Variants in GNAO1 observed in about 807,000 individuals in gnomAD.
The protein encoded by GNAO1 is guanine nucleotide-binding protein G(o) subunit alpha.
For synonymous variants in GNAO1, 164 were observed against 180.7 expected (o/e 0.91, Z 0.74); for missense variants, 166 against 478.7 (o/e 0.35, Z 6.10).
At chr16:56,277,115 TG>T (rs1351233125) in intron 3 of GNAO1, 2 of 152,206 alleles carry the variant, frequency 1.3e-5, no homozygotes, top group African/African-American at 4.8e-5. Context: ...CCTAATTCCA[TG>T]GGGCAGAGTC....
At chr16:56,226,188 T>C (rs1386630870) in intron 2 of GNAO1, among the ~76,000 whole-genome samples, 1 of 151,784 alleles carries the variant, frequency 6.6e-6, no homozygotes, top group East Asian at 1.9e-4. Context: ...AGCCTTTCAG[T>C]TGGGTGAAAG....
chr16:56,340,554 C>T, intron 6 of GNAO1: 1 of 325,656 alleles, frequency 3.1e-6, no homozygotes, highest in Non-Finnish European at 6.0e-6. Flanking sequence ...AGTGACCTCA[C>T]TGCCCCCACC....
intron 7 of GNAO1, chr16:56,352,017 C>T (rs551159750): frequency 3.7e-4 from 58 of 157,802 alleles, no homozygotes; most frequent in South Asian, 2.1e-3. Flanking sequence ...CTTTGGTGCC[C>T]GGAACATGCT....
At chr16:56,199,640 A>G (rs1197554032) in intron 2 of GNAO1, among the ~76,000 whole-genome samples, 1 of 152,164 alleles carries the variant, frequency 6.6e-6, no homozygotes, top group Non-Finnish European at 1.5e-5. Context: ...CTGGGCCTCA[A>G]TTTGTTCATC....
chr16:56,313,506 G>A (rs2037479127), intron 3 of GNAO1, among the ~76,000 whole-genome samples: 1 of 152,010 alleles, frequency 6.6e-6, no homozygotes, highest in South Asian at 2.1e-4. Context: ...TGTCTTTCAT[G>A]TCCAGCCTGA....
chr16:56,300,050 C>CGCGT (rs1238844726), intron 3 of GNAO1, among the ~76,000 whole-genome samples: 1 of 47,914 alleles, frequency 2.1e-5, no homozygotes, highest in Non-Finnish European at 4.0e-5. Context: ...CGCGCGCGCG[C>CGCGT]GCACGCACAT....
chr16:56,299,382 G>A (rs2143579098), intron 3 of GNAO1, among the ~76,000 whole-genome samples: 1 of 152,354 alleles, frequency 6.6e-6, no homozygotes, highest in Non-Finnish European at 1.5e-5. Context: ...CCGATCTGCT[G>A]CGTCTAACTC....
intron 3 of GNAO1, among the ~76,000 whole-genome samples, chr16:56,287,419 C>T (rs2037184014): frequency 6.6e-6 from 1 of 152,204 alleles, no homozygotes; most frequent in Non-Finnish European, 1.5e-5. Context: ...ACTGACTGAC[C>T]CTCAGGTTCC....
chr16:56,245,871 G>C (rs763697827), intron 2 of GNAO1, among the ~76,000 whole-genome samples: 1 of 152,192 alleles, frequency 6.6e-6, no homozygotes, highest in Non-Finnish European at 1.5e-5. Context: ...TGTTGGGAAA[G>C]GAAAATGCAG....
At chr16:56,231,150 T>C (rs544806824) in intron 2 of GNAO1, among the ~76,000 whole-genome samples, 5 of 152,332 alleles carry the variant, frequency 3.3e-5, no homozygotes, top group African/African-American at 1.2e-4. Flanking sequence ...TTATGCTTTA[T>C]GTGAAAGACT....
intron 3 of GNAO1, among the ~76,000 whole-genome samples, chr16:56,299,281 C>T (rs1349376782): frequency 3.9e-5 from 6 of 152,254 alleles, no homozygotes; most frequent in African/African-American, 1.4e-4. Flanking sequence ...CTGTCCAACC[C>T]TGGAGAGAGA....
chr16:56,203,740 C>T (rs752261993), intron 2 of GNAO1, among the ~76,000 whole-genome samples: 8 of 152,244 alleles, frequency 5.3e-5, no homozygotes, highest in South Asian at 4.1e-4. Flanking sequence ...ATCACGCTGA[C>T]GAAAAGCACA....
intron 2 of GNAO1, among the ~76,000 whole-genome samples, chr16:56,259,464 G>A (rs895949044): frequency 6.6e-6 from 1 of 152,172 alleles, no homozygotes; most frequent in Non-Finnish European, 1.5e-5. Context: ...TGACCCACAT[G>A]CATGTTGGAG....
chr16:56,309,642 TCA>T (rs1202419328), intron 3 of GNAO1, among the ~76,000 whole-genome samples: 1 of 152,234 alleles, frequency 6.6e-6, no homozygotes, highest in Non-Finnish European at 1.5e-5. Context: ...TTCTCAGGCC[TCA>T]CAGGACCAGA....
intron 2 of GNAO1, among the ~76,000 whole-genome samples, chr16:56,231,315 C>T (rs1011228258): frequency 2.0e-5 from 3 of 152,202 alleles, no homozygotes; most frequent in African/African-American, 7.2e-5. Flanking sequence ...CAGGTCTCTG[C>T]CCATATGTCA....
At chr16:56,252,221 A>G (rs2036806090) in intron 2 of GNAO1, among the ~76,000 whole-genome samples, 1 of 152,200 alleles carries the variant, frequency 6.6e-6, no homozygotes, top group Non-Finnish European at 1.5e-5. Flanking sequence ...CTTGGTTATT[A>G]GTCTCTGGAT....
At chr16:56,284,953 C>T (rs1359842360) in intron 3 of GNAO1, among the ~76,000 whole-genome samples, 5 of 152,222 alleles carry the variant, frequency 3.3e-5, no homozygotes, top group Non-Finnish European at 7.3e-5. Flanking sequence ...AGCGGTGGCT[C>T]AGCCTGGAGC....
intron 4 of GNAO1, among the ~76,000 whole-genome samples, chr16:56,332,485 T>C (rs2037699144): frequency 6.6e-6 from 1 of 152,174 alleles, no homozygotes; most frequent in Admixed American, 6.5e-5. Context: ...CCTGATTCGT[T>C]CTCTCACACT....
At chr16:56,292,151 C>T (rs2037238968) in intron 3 of GNAO1, among the ~76,000 whole-genome samples, 1 of 152,178 alleles carries the variant, frequency 6.6e-6, no homozygotes, top group African/African-American at 2.4e-5. Flanking sequence ...CTGAACTGCA[C>T]CCAGGCTGCA....
Sources: gnomAD v4.1 joint callset for allele counts (sites outside exome capture counted in the v4.1 genomes callset) on GRCh38, gnomAD v4.1.1 for gene constraint, MANE v1.5 for transcripts, NCBI Gene and HGNC (gene_info 2026-07-23, HGNC 2026-07-21) for gene names.